RABGAP1L: variants seen among roughly 807,000 people sequenced by gnomAD.
RABGAP1L encodes the protein RAB GTPase activating protein 1 like, also known as rab GTPase-activating protein 1-like.
A neutral mutation model predicts 137.7 loss-of-function variants in RABGAP1L; 63 were observed. The ratio of observed to expected loss-of-function variants is 0.46; its 90% CI spans 0.37 to 0.56. The LOEUF (loss-of-function observed/expected upper bound fraction) is 0.56. Ranked by LOEUF, RABGAP1L falls within the 20% of genes least tolerant of loss-of-function variation. RABGAP1L has a pLI of 0.00. For synonymous variants in RABGAP1L, 431 were observed against 433.7 expected (o/e 0.99, Z 0.08); for missense variants, 1,095 against 1,244.0 (o/e 0.88, Z 1.80).
In RABGAP1L at chr1:174,365,662, C is replaced by T. The variant is rs189520386; in HGVS notation, c.1466-5317C>T. On this transcript the variant is annotated intron_variant, in intron 11 of 25. Transcript: ENST00000681986. ...TCCCCCAGTTGCTGTGTTCCTTATCCCCAAAGTGTACAAATTGCCTTTCTG... is the reference window on the plus strand; with the variant it reads ...TCCCCCAGTTGCTGTGTTCCTTATCTCCAAAGTGTACAAATTGCCTTTCTG... Among the ~76,000 whole-genome samples, 106 of 152,236 alleles carry T rather than the reference C, an allele frequency of 7.0e-4. 1 individual carries two copies. The highest frequency in any genetic ancestry group is 2.3e-3 in the African/African-American group (95 of 41,542).
intron 18 of RABGAP1L, among the ~76,000 whole-genome samples, chr1:174,763,082 T>C (rs1685362559): frequency 6.6e-6 from 1 of 151,910 alleles, no homozygotes; most frequent in Non-Finnish European, 1.5e-5. Flanking sequence ...CCCAAAGCGC[T>C]AGGATTACAG....
At position 174,989,297 on chromosome 1, in the gene RABGAP1L, T is replaced by C. The variant is rs367890830; in HGVS notation, c.3003+459T>C. Among the ~76,000 whole-genome samples the C allele has an allele frequency of 1.6e-4, 24 of 152,336 alleles. No individual in the cohort carries two copies. The South Asian group carries it at 4.3e-3, about 28-fold the overall frequency. ...TCTTTCCCCATTATCTTTCTCCATA[T>C]TGGCGCATAATATAATTAGAAATAG... On this transcript the variant is annotated intron_variant, in intron 25 of 25. Coordinates refer to ENST00000681986, the MANE Select transcript of RABGAP1L (RefSeq NM_001366446.1).
At chr1:174,524,020 TTATC>T (rs894638042) in intron 13 of RABGAP1L, among the ~76,000 whole-genome samples, 3 of 152,230 alleles carry the variant, frequency 2.0e-5, no homozygotes, top group Non-Finnish European at 2.9e-5. Context: ...AACATTTTCT[TTATC>T]CATTCATCTG....
chr1:174,538,033 T>G (rs1665030166), intron 13 of RABGAP1L, among the ~76,000 whole-genome samples: 1 of 152,216 alleles, frequency 6.6e-6, no homozygotes, highest in Non-Finnish European at 1.5e-5. Context: ...TCAGAACTCC[T>G]TAGCTTACCT....
chr1:174,391,573 C>T (rs1386802902), intron 12 of RABGAP1L, among the ~76,000 whole-genome samples: 1 of 152,074 alleles, frequency 6.6e-6, no homozygotes, highest in Non-Finnish European at 1.5e-5. Context: ...AACGCCTGGG[C>T]TCAAACGATC....
At chr1:174,394,969 CT>C (rs199887242) in intron 13 of RABGAP1L, among the ~76,000 whole-genome samples, 62 of 142,352 alleles carry the variant, frequency 4.4e-4, no homozygotes, top group Admixed American at 1.7e-3. Context: ...TTTAATTTAA[CT>C]TTTTTTTTTT....
chr1:174,643,917 GT>G (rs1330330898), intron 14 of RABGAP1L, among the ~76,000 whole-genome samples: 19 of 109,350 alleles, frequency 1.7e-4, no homozygotes, highest in East Asian at 8.2e-4. Context: ...TTATATAGGG[GT>G]GTGTGTGTGT....
At chr1:174,916,873 G>A (rs1660968260) in intron 19 of RABGAP1L, among the ~76,000 whole-genome samples, 2 of 152,180 alleles carry the variant, frequency 1.3e-5, no homozygotes, top group Non-Finnish European at 2.9e-5. Flanking sequence ...ACAAGCAGGT[G>A]TCTTAGTCAA....
chr1:174,587,218 T>C (rs1669182343), intron 13 of RABGAP1L, among the ~76,000 whole-genome samples: 1 of 145,294 alleles, frequency 6.9e-6, no homozygotes, highest in Non-Finnish European at 1.5e-5. Context: ...TATGTGTGCA[T>C]GTGTCTTTAT....
At chr1:174,614,345 G>T (rs1293168109) in intron 13 of RABGAP1L, among the ~76,000 whole-genome samples, 2 of 152,118 alleles carry the variant, frequency 1.3e-5, no homozygotes, top group Non-Finnish European at 2.9e-5. Context: ...ATGAAATTCT[G>T]GGTTGAAAAT....
chr1:174,177,911 G>A (rs1212688988), intron 1 of RABGAP1L, among the ~76,000 whole-genome samples: 1 of 152,174 alleles, frequency 6.6e-6, no homozygotes, highest in Non-Finnish European at 1.5e-5. Flanking sequence ...AAGGCAGGTA[G>A]CATGATGCCT....
chr1:174,543,456 C>A (rs1291494828), intron 13 of RABGAP1L, among the ~76,000 whole-genome samples: 3 of 152,098 alleles, frequency 2.0e-5, no homozygotes, highest in Non-Finnish European at 4.4e-5. Context: ...GGCAGATCTT[C>A]CTTCATCTCT....
At chr1:174,482,455 G>C (rs1349234301) in intron 13 of RABGAP1L, among the ~76,000 whole-genome samples, 1 of 152,134 alleles carries the variant, frequency 6.6e-6, no homozygotes, top group Non-Finnish European at 1.5e-5. Flanking sequence ...TCCCAGTGAA[G>C]AAGGAGCCCA....
At chr1:174,485,899 T>A (rs1450447600) in intron 13 of RABGAP1L, among the ~76,000 whole-genome samples, 1 of 152,242 alleles carries the variant, frequency 6.6e-6, no homozygotes, top group Non-Finnish European at 1.5e-5. Flanking sequence ...TTCTAAATAG[T>A]TTGATTCAGA....
intron 14 of RABGAP1L, among the ~76,000 whole-genome samples, chr1:174,676,149 T>A (rs1677607720): frequency 6.6e-6 from 1 of 152,160 alleles, no homozygotes; most frequent in African/African-American, 2.4e-5. Flanking sequence ...ATAAAATATT[T>A]TAGTTATCCT....
chr1:174,809,860 GCT>G (rs1480211398), intron 18 of RABGAP1L, among the ~76,000 whole-genome samples: 1 of 152,150 alleles, frequency 6.6e-6, no homozygotes, highest in Non-Finnish European at 1.5e-5. Context: ...AGTTAGAGAG[GCT>G]CTCTCTCAGA....
intron 1 of RABGAP1L, among the ~76,000 whole-genome samples, chr1:174,166,634 AGTT>A (rs1203882330): frequency 2.6e-5 from 4 of 152,220 alleles, no homozygotes; most frequent in African/African-American, 9.7e-5. Flanking sequence ...AATGCCAGTA[AGTT>A]GTGTCTGTTA....
At position 174,637,409 on chromosome 1, in the gene RABGAP1L, T is replaced by G. The variant is rs763920780; in HGVS notation, c.1745T>G (p.Ile582Ser). The change falls in exon 14 of 26, where the codon ATT becomes AGT. Residue 582 changes from isoleucine (I) to serine (S), a missense_variant. Transcript: ENST00000681986. ...SAQESVITRD[I>S]HRTFPAHDYF... ...CAGGAGAGTGTTATTACTCGAGATATTCATCGTACATTTCCCGCACATGAT... is the reference window on the plus strand; with the variant it reads ...CAGGAGAGTGTTATTACTCGAGATAGTCATCGTACATTTCCCGCACATGAT... The G allele has an allele frequency of 1.9e-6, 3 of 1,613,114 alleles. No individual in the cohort carries two copies. The highest frequency in any genetic ancestry group is 1.7e-5 in the Admixed American group (1 of 60,026).
chr1:174,186,699 G>A (rs990823106), intron 1 of RABGAP1L, among the ~76,000 whole-genome samples: 1 of 152,212 alleles, frequency 6.6e-6, no homozygotes, highest in Non-Finnish European at 1.5e-5. Flanking sequence ...GAGAGAATGT[G>A]ATCAGATCTA....
Sources: allele counts gnomAD v4.1 joint callset (sites outside exome capture counted in the v4.1 genomes callset), GRCh38; gene constraint gnomAD v4.1.1; transcripts MANE v1.5; gene names NCBI Gene and HGNC (gene_info 2026-07-23, HGNC 2026-07-21).